Variants in BRAF observed in about 807,000 individuals in gnomAD.
BRAF encodes serine/threonine-protein kinase B-raf.
BRAF carries 16 observed loss-of-function variants against 104.6 expected under a neutral mutation model. That is an observed-to-expected ratio of 0.15 (90% CI 0.10 to 0.23). The LOEUF (loss-of-function observed/expected upper bound fraction) is 0.23, where lower values mean the gene tolerates loss of function less well. BRAF is among the 10% of genes least tolerant of loss of function. The probability of loss-of-function intolerance (pLI) is 1.00; values close to 1 mark genes in which losing one functional copy is unlikely to be tolerated. For missense variants in BRAF, 541 were observed against 937.3 expected (o/e 0.58, Z 5.52); for synonymous variants, 310 against 341.6 (o/e 0.91, Z 1.02).
chr7:140,877,126 T>C (rs1336267628), intron 1 of BRAF, among the ~76,000 whole-genome samples: 1 of 152,072 alleles, frequency 6.6e-6, no homozygotes, highest in African/African-American at 2.4e-5. Context: ...GTAAAAGGCA[T>C]AATAAACATG....
chr7:140,828,981 G>C (rs1806391908), intron 3 of BRAF, among the ~76,000 whole-genome samples: 1 of 152,136 alleles, frequency 6.6e-6, no homozygotes, highest in South Asian at 2.1e-4. Context: ...GACTGCATCT[G>C]AACAGTGTTC....
chr7:140,772,450 T>C (rs1024063597), intron 14 of BRAF, among the ~76,000 whole-genome samples: 2 of 151,928 alleles, frequency 1.3e-5, no homozygotes, highest in African/African-American at 4.8e-5. Context: ...GGCGAAACTC[T>C]GTCTCTACAA....
At chr7:140,735,422 G>A (rs894091679) in intron 18 of BRAF, among the ~76,000 whole-genome samples, 5 of 152,164 alleles carry the variant, frequency 3.3e-5, no homozygotes, top group African/African-American at 1.2e-4. Context: ...ATCCTTGAAG[G>A]CATACAGCAT....
downstream of BRAF, among the ~76,000 whole-genome samples, chr7:140,717,305 G>C: frequency 6.6e-6 from 1 of 151,742 alleles, no homozygotes; most frequent in East Asian, 1.9e-4. Context: ...CTCTGAAACA[G>C]GGTCTTGCTC....
chr7:140,763,479 C>T (rs1387555258), intron 14 of BRAF, among the ~76,000 whole-genome samples: 1 of 152,222 alleles, frequency 6.6e-6, no homozygotes, highest in Non-Finnish European at 1.5e-5. Flanking sequence ...CCCCCACCTC[C>T]TTCCCGGACG....
At chr7:140,833,983 ATTT>A (rs1807060151) in intron 3 of BRAF, 1 of 152,208 alleles carries the variant, frequency 6.6e-6, no homozygotes, top group African/African-American at 2.4e-5. Flanking sequence ...TGTATTTGGA[ATTT>A]TTATTGTCAA....
chr7:140,880,279 CA>C (rs1812754510), intron 1 of BRAF, among the ~76,000 whole-genome samples: 1 of 152,188 alleles, frequency 6.6e-6, no homozygotes, highest in Non-Finnish European at 1.5e-5. Context: ...AACCCCATCT[CA>C]AAAAATCACT....
chr7:140,794,228 T>C, intron 8 of BRAF, 80 bp downstream of exon 8: 3 of 1,533,794 alleles, frequency 2.0e-6, no homozygotes, highest in Admixed American at 3.4e-5. Flanking sequence ...CACTTATTTC[T>C]GATCTAAGTT....
At position 140,734,786 on chromosome 7, in the gene BRAF, GAAAAA is replaced by G; in HGVS notation, c.2248-21_2248-17del. On this transcript the variant is annotated splice_polypyrimidine_tract_variant and intron_variant, in intron 18 of 19. Coordinates refer to ENST00000644969, the MANE Select transcript of BRAF (RefSeq NM_001374258.1). ...AGGCGAGAATCTACAAAAAAAAAAA[GAAAAA>G]AAAAAGAAAAAAAAAGAAAAAAGAA... 3.7e-6 allele frequency: 3 copies of G among 821,502 alleles called. No individual in the cohort carries two copies. Among genetic ancestry groups the G allele is most frequent in the Middle Eastern group, 3.5e-4 (1 of 2,868 alleles). 50.9% of individuals were successfully genotyped at this position (821,502 alleles called of 1,614,324 possible). A position where few individuals can be genotyped will look rare whatever the true frequency, so the allele number is the denominator to read the frequency against.
chr7:140,871,399 C>A (rs1811580635), intron 1 of BRAF, among the ~76,000 whole-genome samples: 1 of 152,088 alleles, frequency 6.6e-6, no homozygotes, highest in African/African-American at 2.4e-5. Flanking sequence ...ACCACAGGGA[C>A]AGAGGCTACA....
At chr7:140,851,208 A>C (rs1809123093) in intron 1 of BRAF, among the ~76,000 whole-genome samples, 1 of 152,100 alleles carries the variant, frequency 6.6e-6, no homozygotes, top group Non-Finnish European at 1.5e-5. Context: ...TTTTTTTCTT[A>C]ATAAAAAAGA....
rs1036468720 is a variant in BRAF at position 140,903,030 on chromosome 7, T to C, written c.138+21536A>G. ...ACCTCTGCCTCCCGGGTTCAAGCGA[T>C]TCTCCTGCCTCAGCCTCCTGAGTAC... On this transcript the variant is annotated intron_variant, in intron 1 of 19. Transcript: ENST00000644969. Among the ~76,000 whole-genome samples the C allele has an allele frequency of 4.6e-5, 7 of 151,668 alleles. No individual in the cohort carries two copies. In the East Asian group the frequency reaches 1.2e-3, roughly 25 times the overall value.
chr7:140,871,773 A>G (rs981600442), intron 1 of BRAF, among the ~76,000 whole-genome samples: 21 of 152,214 alleles, frequency 1.4e-4, no homozygotes, highest in Admixed American at 1.2e-3. Flanking sequence ...AACTAACATT[A>G]AATAAAATAT....
chr7:140,771,247 G>C (rs1433684124), intron 14 of BRAF, among the ~76,000 whole-genome samples: 1 of 152,192 alleles, frequency 6.6e-6, no homozygotes, highest in Non-Finnish European at 1.5e-5. Flanking sequence ...CCAGGGCGGA[G>C]TGTAGTGGCA....
At chr7:140,843,213 T>C (rs556756176) in intron 2 of BRAF, among the ~76,000 whole-genome samples, 5 of 152,308 alleles carry the variant, frequency 3.3e-5, no homozygotes, top group African/African-American at 4.8e-5. Context: ...GGAAGAGTTA[T>C]AGAGGATTTT....
chr7:140,810,920 T>C (rs1804192318), intron 3 of BRAF, among the ~76,000 whole-genome samples: 1 of 152,230 alleles, frequency 6.6e-6, no homozygotes, highest in Non-Finnish European at 1.5e-5. Context: ...GTGCCACTTT[T>C]TTCTCACTTT....
In BRAF at chr7:140,720,449, C is replaced by T; in HGVS notation, c.*6045G>A. 1 of 1,063,100 alleles carries T rather than the reference C, an allele frequency of 9.4e-7. No homozygotes were observed. The highest frequency in any genetic ancestry group is 4.6e-5 in the South Asian group (1 of 21,940). 65.9% of individuals were successfully genotyped at this position (1,063,100 alleles called of 1,614,324 possible). On this transcript the variant is annotated 3_prime_UTR_variant, in exon 20 of 20. Coordinates refer to ENST00000644969, the MANE Select transcript of BRAF (RefSeq NM_001374258.1). Reference sequence around the variant, plus strand: ...ATAAAGGCTAGCCACTTACGTTGGTCATTAACATGAATAAAAAGGCATTAT... The same window carrying T: ...ATAAAGGCTAGCCACTTACGTTGGTTATTAACATGAATAAAAAGGCATTAT...
At chr7:140,860,230 T>C (rs1563000318) in intron 1 of BRAF, among the ~76,000 whole-genome samples, 1 of 152,070 alleles carries the variant, frequency 6.6e-6, no homozygotes, top group African/African-American at 2.4e-5. Context: ...GACTATATAA[T>C]AAATATTTCC....
chr7:140,895,559 A>C (rs1814784106), intron 1 of BRAF, among the ~76,000 whole-genome samples: 1 of 152,114 alleles, frequency 6.6e-6, no homozygotes, highest in Non-Finnish European at 1.5e-5. Flanking sequence ...TCCATGAATA[A>C]ATCTCCCCAG....
Sources: gnomAD v4.1 joint callset for allele counts (sites outside exome capture counted in the v4.1 genomes callset) on GRCh38, gnomAD v4.1.1 for gene constraint, MANE v1.5 for transcripts, NCBI Gene and HGNC (gene_info 2026-07-23, HGNC 2026-07-21) for gene names.